Variants in ZNF346 observed in about 807,000 individuals in gnomAD.
ZNF346 encodes double-stranded RNA-binding zinc finger protein JAZ.
In ZNF346, 23 loss-of-function variants were observed where a neutral mutation model predicts 33.7. The observed-to-expected ratio is 0.68, with a 90% CI of 0.49 to 0.97. The LOEUF is 0.97. ZNF346 is among the 50% of genes least tolerant of loss of function. The pLI is 0.00. For synonymous variants in ZNF346, 134 were observed against 142.4 expected, an observed-to-expected ratio of 0.94 and a Z score of 0.42; for missense variants, 340 against 371.1, an observed-to-expected ratio of 0.92 and a Z score of 0.69.
At chr5:177,045,490 G>A (rs1554148230) in intron 4 of ZNF346, among the ~76,000 whole-genome samples, 1 of 151,996 alleles carries the variant, frequency 6.6e-6, no homozygotes, top group Non-Finnish European at 1.5e-5. Flanking sequence ...AAGTAGCTGG[G>A]ACTACAGGTG....
At chr5:177,052,999 C>A (rs572286994) in intron 5 of ZNF346, 1 of 151,868 alleles carries the variant, frequency 6.6e-6, no homozygotes, top group African/African-American at 2.4e-5. Flanking sequence ...AGGATGAATT[C>A]CTTGTTTTTA....
chr5:177,064,864 T>C lies in ZNF346; in HGVS notation c.*265T>C, dbSNP rs1330791163. The C allele has an allele frequency of 2.2e-6, 1 of 452,996 alleles. No individual in the cohort carries two copies. The highest frequency in any genetic ancestry group is 3.6e-5 in the Admixed American group (1 of 27,902). The allele number at this position is 452,996 out of a possible 1,614,324, so 28.1% of individuals were successfully genotyped here. On this transcript the variant is annotated 3_prime_UTR_variant, in exon 7 of 7. Transcript: ENST00000358149. ...GCGGGGTGGTAGTTTGGAGGGTGGC[T>C]TTCCCCATTTCCCAACCCCTCTGGG... is the stretch of plus-strand genomic sequence containing the variant.
intron 1 of ZNF346, among the ~76,000 whole-genome samples, chr5:177,035,061 G>C (rs1778285571): frequency 1.3e-5 from 2 of 150,838 alleles, no homozygotes; most frequent in African/African-American, 2.5e-5. Context: ...CTGTCGCCCA[G>C]GCTCAAGTGT....
chr5:177,031,676 A>G (rs1193431152), intron 1 of ZNF346, among the ~76,000 whole-genome samples: 6 of 152,030 alleles, frequency 3.9e-5, no homozygotes, highest in Admixed American at 2.0e-4. Flanking sequence ...TTTTCTTCAA[A>G]TATTTTTTTC....
chr5:177,055,090 A>G (rs899576561), intron 5 of ZNF346, among the ~76,000 whole-genome samples: 8 of 149,106 alleles, frequency 5.4e-5, no homozygotes, highest in Admixed American at 4.7e-4. Flanking sequence ...CTGGAGTGCA[A>G]TGGTGCAATC....
rs1783028332 is a variant in ZNF346 at position 177,065,084 on chromosome 5, ACT to A, written c.*488_*489del. 1 of 156,062 alleles carries A rather than the reference ACT, an allele frequency of 6.4e-6. No homozygotes were observed. 9.7% of individuals were successfully genotyped at this position (156,062 alleles called of 1,614,324 possible). The stretch of plus-strand genomic sequence containing the variant: ...CATGGGAGCTTGGAGCTAATACGAC[ACT>A]CTGCCTTCCCCCAGAAGGTGCAGGC... On this transcript the variant is annotated 3_prime_UTR_variant, in exon 7 of 7. Transcript: ENST00000358149.
intron 5 of ZNF346, chr5:177,052,472 C>CA (rs1488167161): frequency 2.7e-5 from 4 of 148,324 alleles, no homozygotes; most frequent in African/African-American, 2.5e-5. Context: ...CATTAGCCAC[C>CA]AAGCCCAGCC....
intron 6 of ZNF346, among the ~76,000 whole-genome samples, chr5:177,062,960 C>T (rs558745553): frequency 6.6e-6 from 1 of 152,284 alleles, no homozygotes; most frequent in Non-Finnish European, 1.5e-5. Context: ...GGCTATGGCA[C>T]CACTGATATG....
At chr5:177,039,166 C>T (rs1401300902) in intron 1 of ZNF346, among the ~76,000 whole-genome samples, 1 of 152,062 alleles carries the variant, frequency 6.6e-6, no homozygotes, top group Non-Finnish European at 1.5e-5. Flanking sequence ...GCTAAGATTA[C>T]AGGCATTACC....
chr5:177,046,129 A>G (rs760215140), intron 4 of ZNF346, among the ~76,000 whole-genome samples: 9 of 151,960 alleles, frequency 5.9e-5, no homozygotes, highest in Non-Finnish European at 1.2e-4. Context: ...GTGAAACCCA[A>G]TCTCTACTAA....
intron 1 of ZNF346, among the ~76,000 whole-genome samples, chr5:177,035,151 G>C (rs1778298908): frequency 6.6e-6 from 1 of 152,024 alleles, no homozygotes; most frequent in Non-Finnish European, 1.5e-5. Flanking sequence ...CAAGTAGCTG[G>C]GATTATAGGC....
intron 5 of ZNF346, among the ~76,000 whole-genome samples, chr5:177,053,947 G>A (rs563535682): frequency 5.9e-5 from 9 of 152,272 alleles, no homozygotes; most frequent in South Asian, 4.1e-4. Context: ...AGCAGATAGC[G>A]TATACAGTGT....
At chr5:177,055,734 A>C (rs1438310261) in intron 5 of ZNF346, among the ~76,000 whole-genome samples, 1 of 152,080 alleles carries the variant, frequency 6.6e-6, no homozygotes, top group African/African-American at 2.4e-5. Flanking sequence ...TGAGGTCGGG[A>C]GTTCGAGACC....
rs888429969 is a variant in ZNF346, at chr5:177,022,799, A to G, written c.61A>G (p.Ser21Gly). 6.5e-7 allele frequency: 1 copy of G among 1,545,176 alleles called. No individual in the cohort carries two copies. The highest frequency in any genetic ancestry group is 8.7e-7 in the Non-Finnish European group (1 of 1,146,528). ...AADGGAAGPY[S>G]SSELLEGQEP... ...GGACGGCGGAGCGGCCGGGCCTTACAGCAGCTCGGAGTTGCTGGAGGGCCA... is the reference window on the plus strand; with the variant it reads ...GGACGGCGGAGCGGCCGGGCCTTACGGCAGCTCGGAGTTGCTGGAGGGCCA... The change falls in exon 1 of 7, where the codon AGC becomes GGC. Residue 21 changes from serine to glycine, a missense_variant. Ser to Gly is a moderately conservative substitution (Grantham distance 56). Transcript: ENST00000358149.
At chr5:177,062,968 A>T (rs1258906842) in intron 6 of ZNF346, among the ~76,000 whole-genome samples, 1 of 152,170 alleles carries the variant, frequency 6.6e-6, no homozygotes, top group African/African-American at 2.4e-5. Context: ...CACCACTGAT[A>T]TGAAGAGAAT....
intron 5 of ZNF346, among the ~76,000 whole-genome samples, chr5:177,058,128 A>G (rs1781994058): frequency 6.6e-6 from 1 of 151,348 alleles, no homozygotes; most frequent in African/African-American, 2.4e-5. Flanking sequence ...GCCTGAGGTC[A>G]TAGATTTTCA....
chr5:177,052,514 G>A (rs1490014875), intron 5 of ZNF346: 1 of 151,910 alleles, frequency 6.6e-6, no homozygotes, highest in Non-Finnish European at 1.5e-5. Context: ...TAAACCCTGT[G>A]TAAGTCAGAC....
Position 177,064,779 on chromosome 5 carries a change from T to C in ZNF346, c.*180T>C, listed in dbSNP as rs1782992383. 23 of 605,444 alleles carry C rather than the reference T, an allele frequency of 3.8e-5. 2 individuals are homozygous for C. In the South Asian group the frequency reaches 4.6e-4, roughly 12 times the overall value. 37.5% of individuals were successfully genotyped at this position (605,444 alleles called of 1,614,324 possible). ...CTAATTCACTCCTGCTGCTCCCCTTTGGCAGGGGTCCTGTAGGTCATGACA... is the reference window on the plus strand; with the variant it reads ...CTAATTCACTCCTGCTGCTCCCCTTCGGCAGGGGTCCTGTAGGTCATGACA... On this transcript the variant is annotated 3_prime_UTR_variant, in exon 7 of 7. Coordinates refer to ENST00000358149, the MANE Select transcript of ZNF346 (RefSeq NM_012279.4).
In ZNF346 at chr5:177,064,636, A is replaced by G. The variant is rs756604201; in HGVS notation, c.*37A>G. The stretch of plus-strand genomic sequence containing the variant: ...CCCAGCATCCCATATTGGGCCAGCC[A>G]TGAGCCAGCTTCCCGTGACTGCTCA... On this transcript the variant is annotated 3_prime_UTR_variant, in exon 7 of 7. Transcript: ENST00000358149. The G allele has an allele frequency of 1.3e-6, 2 of 1,549,830 alleles. No homozygotes were observed. The highest frequency in any genetic ancestry group is 1.8e-6 in the Non-Finnish European group (2 of 1,121,228).
Sources: gnomAD v4.1 joint callset for allele counts (sites outside exome capture counted in the v4.1 genomes callset) on GRCh38, gnomAD v4.1.1 for gene constraint, MANE v1.5 for transcripts, NCBI Gene and HGNC (gene_info 2026-07-23, HGNC 2026-07-21) for gene names.